Variants in MPHOSPH9 observed in about 807,000 individuals in gnomAD.
MPHOSPH9 encodes the protein M-phase phosphoprotein 9.
Under a neutral mutation model 145.5 loss-of-function variants are expected in MPHOSPH9, and 88 were observed. The ratio of observed to expected loss-of-function variants is 0.60; its 90% CI spans 0.51 to 0.72. MPHOSPH9 has a LOEUF of 0.72. MPHOSPH9 is among the 30% of genes least tolerant of loss of function. The probability of loss-of-function intolerance (pLI) is 0.00; values close to 1 mark genes in which losing one functional copy is unlikely to be tolerated. For synonymous variants in MPHOSPH9, 435 were observed against 486.2 expected, an observed-to-expected ratio of 0.89 and a Z score of 1.39; for missense variants, 1,238 against 1,386.6, an observed-to-expected ratio of 0.89 and a Z score of 1.70.
At chr12:123,193,466 G>A (rs1565932434) in intron 13 of MPHOSPH9, among the ~76,000 whole-genome samples, 1 of 151,980 alleles carries the variant, frequency 6.6e-6, no homozygotes, top group Non-Finnish European at 1.5e-5. Flanking sequence ...CTCATGTATT[G>A]TAATATCCTG....
At chr12:123,157,762 T>C (rs373842917) in intron 23 of MPHOSPH9, among the ~76,000 whole-genome samples, 1 of 151,782 alleles carries the variant, frequency 6.6e-6, no homozygotes, top group African/African-American at 2.4e-5. Flanking sequence ...GCTGGGATTA[T>C]AGGCATAAGC....
At chr12:123,188,371 A>G (rs1026510697) in intron 13 of MPHOSPH9, among the ~76,000 whole-genome samples, 7 of 151,626 alleles carry the variant, frequency 4.6e-5, no homozygotes, top group African/African-American at 1.7e-4. Flanking sequence ...CAAAGCTCAT[A>G]TTCTATGTCC....
chr12:123,206,113 G>C (rs371008793), intron 8 of MPHOSPH9, among the ~76,000 whole-genome samples: 50 of 152,108 alleles, frequency 3.3e-4, no homozygotes, highest in African/African-American at 1.1e-3. Context: ...GTGGGCTAGA[G>C]GAAGATAACG....
rs1031318403 is a variant in MPHOSPH9, at chr12:123,223,187, C to A, written c.259-60G>T. ...TTTTTTGACTTAACATTTCACAGAA[C>A]AATTCCTCCAGTGTAAAAGAGCCCT... On this transcript the variant is annotated intron_variant, in intron 3 of 23. Coordinates refer to ENST00000606320, the MANE Select transcript of MPHOSPH9 (RefSeq NM_022782.4). 1.9e-5 allele frequency: 21 copies of A among 1,088,360 alleles called. No individual in the cohort carries two copies. The Admixed American group carries it at 4.7e-4, about 24-fold the overall frequency. The allele number at this position is 1,088,360 out of a possible 1,614,324, so 67.4% of individuals were successfully genotyped here.
chr12:123,214,162 T>C (rs922267550), intron 7 of MPHOSPH9, among the ~76,000 whole-genome samples: 3 of 152,114 alleles, frequency 2.0e-5, no homozygotes, highest in African/African-American at 7.2e-5. Flanking sequence ...CCGAAAAAGG[T>C]TGATGATTTT....
At chr12:123,217,432 C>T (rs1218065045) in intron 6 of MPHOSPH9, among the ~76,000 whole-genome samples, 1 of 151,936 alleles carries the variant, frequency 6.6e-6, no homozygotes, top group African/African-American at 2.4e-5. Context: ...CTCTTGACCT[C>T]GTGATCTGCC....
At chr12:123,214,518 C>G (rs1284078665) in intron 7 of MPHOSPH9, among the ~76,000 whole-genome samples, 1 of 152,142 alleles carries the variant, frequency 6.6e-6, no homozygotes, top group Non-Finnish European at 1.5e-5. Flanking sequence ...GCCTGGGTGA[C>G]AGAGTGAGAC....
chr12:123,193,828 T>TG (rs1565932895), intron 13 of MPHOSPH9, among the ~76,000 whole-genome samples: 3 of 151,874 alleles, frequency 2.0e-5, no homozygotes, highest in Non-Finnish European at 2.9e-5. Flanking sequence ...ACACAGTTTT[T>TG]TTTTTTTTTT....
intron 4 of MPHOSPH9, 69 bp downstream of exon 4, chr12:123,222,969 T>C (rs2047272540): frequency 1.3e-6 from 1 of 756,786 alleles, no homozygotes; most frequent in East Asian, 3.5e-5. Flanking sequence ...TATATGTGTG[T>C]GTGTGTGTGT....
In MPHOSPH9 at chr12:123,181,146, G is replaced by A. The variant is rs2045117072; in HGVS notation, c.2289+17C>T. The A allele has an allele frequency of 6.3e-7, 1 of 1,597,818 alleles. No individual in the cohort carries two copies. The highest frequency in any genetic ancestry group is 8.6e-7 in the Non-Finnish European group (1 of 1,165,296). On this transcript the variant is annotated intron_variant, in intron 14 of 23. Transcript: ENST00000606320. ...TGCCTCTGCATGAAATCTAGAACAT[G>A]AACCATTACCCCTTACCTTTACTCT... is the stretch of plus-strand genomic sequence containing the variant.
chr12:123,165,427 C>T lies in MPHOSPH9; in HGVS notation c.2642G>A (p.Ser881Asn). 6.2e-7 allele frequency: 1 copy of T among 1,613,966 alleles called. No homozygotes were observed. The highest frequency in any genetic ancestry group is 8.5e-7 in the Non-Finnish European group (1 of 1,179,998). The stretch of plus-strand genomic sequence containing the variant: ...CTCTCTTTGCTTTTTTATCAACAAG[C>T]TTGTTGATGAACTTCCAGGTGAAGA... ...KDSSPGSSST[S>N]LLIKKQRETS... The change falls in exon 18 of 24, where the codon AGC becomes AAC. Residue 881 changes from serine (S) to asparagine (N), a missense_variant. Around this residue, in one of 3 missense-constraint regions of MPHOSPH9, gnomAD observed 393 missense variants for 462.5 expected, o/e 0.85. Transcript: ENST00000606320.
chr12:123,222,821 A>G (rs2047264375), intron 4 of MPHOSPH9, among the ~76,000 whole-genome samples: 1 of 152,070 alleles, frequency 6.6e-6, no homozygotes, highest in African/African-American at 2.4e-5. Flanking sequence ...CTGTAATCTC[A>G]GCTACTCGGG....
At chr12:123,166,614 C>CG in intron 17 of MPHOSPH9, 41 bp downstream of exon 17, 2 of 1,594,010 alleles carry the variant, frequency 1.3e-6, no homozygotes, top group Non-Finnish European at 1.7e-6. Context: ...TCTAAGAAAA[C>CG]ATAACATCCC....
rs934165184 is a variant in MPHOSPH9 at position 123,194,544 on chromosome 12, G to A, written c.2083C>T (p.Arg695Ter). Residue 695 changes from arginine (R) to a stop codon, truncating the protein, a stop_gained, in exon 13 of 24, where the codon CGA (arginine) becomes TGA (stop). Transcript: ENST00000606320. LOFTEE classifies it high-confidence loss of function. The stretch of plus-strand genomic sequence containing the variant: ...CTGCTTGTTCTCATTTCTTCAATTC[G>A]TTCCTGCAAAATTTTGGAAGCACTG... ...ASSASKILQERIEEMRTSSKE... is the reference protein window; with the variant it reads ...ASSASKILQE The A allele has an allele frequency of 4.3e-6, 7 of 1,611,918 alleles. No homozygotes were observed. Among genetic ancestry groups the A allele is most frequent in the African/African-American group, 1.3e-5 (1 of 74,616 alleles).
chr12:123,163,874 C>A (rs1225497126), intron 19 of MPHOSPH9, 76 bp downstream of exon 19: 1 of 1,571,944 alleles, frequency 6.4e-7, no homozygotes, highest in Non-Finnish European at 8.7e-7. Flanking sequence ...CAGAAACAGG[C>A]AAGCAGCGGG....
At chr12:123,168,497 A>G (rs2044421853) in intron 16 of MPHOSPH9, among the ~76,000 whole-genome samples, 2 of 150,680 alleles carry the variant, frequency 1.3e-5, no homozygotes, top group African/African-American at 4.9e-5. Flanking sequence ...GCCTGCCACC[A>G]CGCCCGGCTA....
chr12:123,166,909 C>T, intron 16 of MPHOSPH9, 120 bp from the exon 17 acceptor site: 2 of 983,374 alleles, frequency 2.0e-6, no homozygotes, highest in South Asian at 4.2e-5. Flanking sequence ...ATTTAAAAAT[C>T]ACATGTAACA....
chr12:123,222,996 A>T, intron 4 of MPHOSPH9, 42 bp downstream of exon 4: 2 of 1,028,300 alleles, frequency 1.9e-6, no homozygotes, highest in Non-Finnish European at 2.8e-6. Context: ...GTACGTATGT[A>T]TATGTATATA....
intron 13 of MPHOSPH9, among the ~76,000 whole-genome samples, chr12:123,190,039 TACAAAG>T (rs2045608430): frequency 6.6e-6 from 1 of 151,912 alleles, no homozygotes. Context: ...CATGTGACCA[TACAAAG>T]ACAAGGTAAT....
Sources: allele counts gnomAD v4.1 joint callset (sites outside exome capture counted in the v4.1 genomes callset), GRCh38; gene constraint gnomAD v4.1.1; regional missense constraint gnomAD v4.1.1; transcripts MANE v1.5; gene names NCBI Gene and HGNC (gene_info 2026-07-23, HGNC 2026-07-21).